TMEM132B: variants seen among roughly 807,000 people sequenced by gnomAD.
TMEM132B encodes transmembrane protein 132B.
Under a neutral mutation model 90.8 loss-of-function variants are expected in TMEM132B, and 18 were observed. The observed-to-expected ratio is 0.20, with a 90% CI of 0.14 to 0.29. TMEM132B has a LOEUF of 0.29. TMEM132B is among the 10% of genes least tolerant of loss of function. TMEM132B has a pLI of 1.00. For synonymous variants in TMEM132B, 504 were observed against 523.3 expected (o/e 0.96, Z 0.50); for missense variants, 1,096 against 1,326.8 (o/e 0.83, Z 2.70).
chr12:125,502,090 T>C (rs2136601335), intron 3 of TMEM132B, among the ~76,000 whole-genome samples: 1 of 152,186 alleles, frequency 6.6e-6, no homozygotes, highest in Middle Eastern at 3.4e-3. Flanking sequence ...TGGAGCAAAC[T>C]TACTACACTT....
At chr12:125,247,670 G>A (rs1874234961) in intron 1 of TMEM132B, among the ~76,000 whole-genome samples, 1 of 152,048 alleles carries the variant, frequency 6.6e-6, no homozygotes, top group Admixed American at 6.5e-5. Flanking sequence ...GCTAATCAGA[G>A]CACAGCAGCC....
In TMEM132B at chr12:125,277,919, G is replaced by A. The variant is rs1875049178; in HGVS notation, c.68-71533G>A. Among the ~76,000 whole-genome samples, 1 of 152,190 alleles carries A rather than the reference G, an allele frequency of 6.6e-6. No individual in the cohort carries two copies. Among genetic ancestry groups the A allele is most frequent in the Non-Finnish European group, 1.5e-5 (1 of 68,040 alleles). ...CACAGAGGGCCAGCATTCTCCGATG[G>A]GAAAAGTCTGGAACTCTGCAGTGTG... On this transcript the variant is annotated intron_variant, in intron 1 of 8. Coordinates refer to ENST00000682704, the MANE Select transcript of TMEM132B (RefSeq NM_001366854.1). This position sits in a 1 kb window ranked among gnomAD's most constrained non-coding sequence, Gnocchi z 4.3.
intron 3 of TMEM132B, among the ~76,000 whole-genome samples, chr12:125,461,149 G>C (rs1473893541): frequency 2.6e-5 from 4 of 152,344 alleles, no homozygotes; most frequent in Non-Finnish European, 4.4e-5. Context: ...GGCACTGGCA[G>C]TACCCAGGAG....
chr12:125,296,724 AG>A (rs1875681414), intron 1 of TMEM132B, among the ~76,000 whole-genome samples: 1 of 152,246 alleles, frequency 6.6e-6, no homozygotes, highest in Admixed American at 6.5e-5. Flanking sequence ...TGAATGCTCC[AG>A]TGAGCATTGG....
chr12:125,589,698 G>A (rs540061691), intron 5 of TMEM132B, among the ~76,000 whole-genome samples: 2 of 152,148 alleles, frequency 1.3e-5, no homozygotes, highest in East Asian at 3.9e-4. Flanking sequence ...GCAGGGCAGA[G>A]GAAGGTGCCA....
At chr12:125,623,237 T>C (rs911386120) in intron 5 of TMEM132B, among the ~76,000 whole-genome samples, 1 of 152,138 alleles carries the variant, frequency 6.6e-6, no homozygotes, top group Non-Finnish European at 1.5e-5. Flanking sequence ...AATCTCCCTA[T>C]GCCATGAAAT....
intron 2 of TMEM132B, among the ~76,000 whole-genome samples, chr12:125,401,828 AT>A (rs59931403): frequency 5.9e-5 from 9 of 151,634 alleles, no homozygotes; most frequent in African/African-American, 1.2e-4. Flanking sequence ...CTTGATTGGG[AT>A]TTTTTTTTCT....
chr12:125,280,757 T>A (rs571759182), intron 1 of TMEM132B, among the ~76,000 whole-genome samples: 2 of 152,282 alleles, frequency 1.3e-5, no homozygotes, highest in East Asian at 3.9e-4. Flanking sequence ...ATAGTACAAC[T>A]CTTCGGTCAG....
intron 2 of TMEM132B, among the ~76,000 whole-genome samples, chr12:125,384,392 AATTT>A (rs1422616367): frequency 6.6e-6 from 1 of 152,114 alleles, no homozygotes; most frequent in African/African-American, 2.4e-5. Context: ...TATGTTTTAA[AATTT>A]ATTTTTTATT....
At chr12:125,475,836 G>T (rs1046605324) in intron 3 of TMEM132B, among the ~76,000 whole-genome samples, 19 of 152,290 alleles carry the variant, frequency 1.2e-4, no homozygotes, top group African/African-American at 4.6e-4. Flanking sequence ...CTTTGGGATG[G>T]TGAGAAGTAA....
chr12:125,646,737 T>C (rs553598352), intron 6 of TMEM132B, among the ~76,000 whole-genome samples: 179 of 152,282 alleles, frequency 1.2e-3, no homozygotes, highest in Non-Finnish European at 2.2e-3. Flanking sequence ...TTAACTACAA[T>C]AGATTTCAGC....
At chr12:125,515,654 C>G (rs1398044243) in intron 3 of TMEM132B, among the ~76,000 whole-genome samples, 1 of 151,006 alleles carries the variant, frequency 6.6e-6, no homozygotes. Flanking sequence ...ATTCACACCC[C>G]CTTCACACAT....
intron 4 of TMEM132B, among the ~76,000 whole-genome samples, chr12:125,570,219 A>C (rs767246726): frequency 6.6e-6 from 1 of 152,198 alleles, no homozygotes; most frequent in Non-Finnish European, 1.5e-5. Context: ...TAGAACCTCC[A>C]TATGTACTGA....
At chr12:125,260,410 G>C (rs1329569517) in intron 1 of TMEM132B, among the ~76,000 whole-genome samples, 1 of 152,032 alleles carries the variant, frequency 6.6e-6, no homozygotes, top group Non-Finnish European at 1.5e-5. Flanking sequence ...TGTCAACCAT[G>C]GTGCGATCAT....
chr12:125,543,153 C>G (rs867788209), intron 4 of TMEM132B, among the ~76,000 whole-genome samples: 2 of 152,294 alleles, frequency 1.3e-5, no homozygotes, highest in Middle Eastern at 6.8e-3. Flanking sequence ...CTACTTTTCT[C>G]AGAAGTCCAG....
intron 4 of TMEM132B, among the ~76,000 whole-genome samples, chr12:125,520,944 C>T (rs1008249766): frequency 6.6e-5 from 10 of 152,104 alleles, no homozygotes; most frequent in African/African-American, 2.4e-4. Context: ...CATCATTGAC[C>T]CACATTGTGG....
At chr12:125,364,441 C>T (rs996265860) in intron 2 of TMEM132B, among the ~76,000 whole-genome samples, 16 of 152,134 alleles carry the variant, frequency 1.1e-4, no homozygotes, top group Non-Finnish European at 2.1e-4. Flanking sequence ...TCTCTTCATC[C>T]ATCAATCCAT....
intron 1 of TMEM132B, among the ~76,000 whole-genome samples, chr12:125,342,218 A>G (rs1435679731): frequency 6.6e-6 from 1 of 152,198 alleles, no homozygotes; most frequent in Non-Finnish European, 1.5e-5. Context: ...AGAAGGAATT[A>G]TGGATCATCC....
chr12:125,643,810 A>G (rs1049907306), intron 5 of TMEM132B, among the ~76,000 whole-genome samples: 9 of 152,328 alleles, frequency 5.9e-5, no homozygotes, highest in African/African-American at 2.2e-4. Flanking sequence ...CACAAAAGGC[A>G]ACAGAGGTTA....
Sources: allele counts gnomAD v4.1 joint callset (sites outside exome capture counted in the v4.1 genomes callset), GRCh38; gene constraint gnomAD v4.1.1; non-coding constraint Gnocchi (gnomAD v3.1); transcripts MANE v1.5; gene names NCBI Gene and HGNC (gene_info 2026-07-23, HGNC 2026-07-21).